The following MAP2 variants were observed in gnomAD, a reference collection of about 807,000 sequenced individuals.
The protein encoded by MAP2 is microtubule-associated protein 2.
A neutral mutation model predicts 137.6 loss-of-function variants in MAP2; 14 were observed. The ratio of observed to expected loss-of-function variants is 0.10; its 90% CI spans 0.07 to 0.16. The LOEUF is 0.16. MAP2 is among the 10% of genes least tolerant of loss of function. The pLI is 1.00. For missense variants in MAP2, 2,088 were observed against 2,191.5 expected (o/e 0.95, Z 0.94); for synonymous variants, 786 against 782.3 (o/e 1.00, Z -0.08).
intron 3 of MAP2, among the ~76,000 whole-genome samples, chr2:209,622,594 C>T (rs966121649): frequency 6.6e-6 from 1 of 152,048 alleles, no homozygotes; most frequent in African/African-American, 2.4e-5. Flanking sequence ...CATGTTGCAG[C>T]CACTTTATAT....
intron 3 of MAP2, among the ~76,000 whole-genome samples, chr2:209,586,138 G>T (rs1295003564): frequency 6.6e-6 from 1 of 152,030 alleles, no homozygotes; most frequent in African/African-American, 2.4e-5. Context: ...TAAGGAGTCC[G>T]GAACTCAAAG....
chr2:209,630,583 T>TA (rs1380970574), intron 4 of MAP2, among the ~76,000 whole-genome samples: 1 of 152,102 alleles, frequency 6.6e-6, no homozygotes, highest in Non-Finnish European at 1.5e-5. Context: ...CAAAAGCTAT[T>TA]AAAAATCTCA....
chr2:209,696,190 G>A lies in MAP2; in HGVS notation c.4020G>A (p.Gln1340=). 1 of 1,613,358 alleles carries A rather than the reference G, an allele frequency of 6.2e-7. No individual in the cohort carries two copies. Among genetic ancestry groups the A allele is most frequent in the Non-Finnish European group, 8.5e-7 (1 of 1,179,796 alleles). Residue 1340 remains glutamine (Q), a synonymous_variant, in exon 8 of 16, where the codon CAG becomes CAA. Transcript: ENST00000682079. ...EFEVEEAAEA[Q]AEPKDGSPEA... ...AAGTAGAAGAGGCAGCTGAAGCCCA[G>A]GCAGAACCCAAAGATGGTTCCCCAG...
chr2:209,646,389 T>A (rs2094425865), intron 4 of MAP2, among the ~76,000 whole-genome samples: 2 of 152,174 alleles, frequency 1.3e-5, no homozygotes, highest in South Asian at 4.1e-4. Context: ...AGTCCAAATT[T>A]TTTCTTAACA....
intron 1 of MAP2, among the ~76,000 whole-genome samples, chr2:209,456,486 A>T (rs1448513464): frequency 6.6e-6 from 1 of 152,216 alleles, no homozygotes; most frequent in African/African-American, 2.4e-5. Flanking sequence ...GTTAGATATG[A>T]GAAAGAATGG....
intron 3 of MAP2, among the ~76,000 whole-genome samples, chr2:209,598,582 A>C (rs1160016601): frequency 7.1e-6 from 1 of 140,960 alleles, no homozygotes; most frequent in African/African-American, 2.6e-5. Context: ...ATATCTCCCA[A>C]TGCTATCCCT....
intron 5 of MAP2, among the ~76,000 whole-genome samples, chr2:209,658,458 T>C (rs1350950884): frequency 6.6e-6 from 1 of 152,080 alleles, no homozygotes; most frequent in Non-Finnish European, 1.5e-5. Context: ...AGTAATAATT[T>C]TGCTGTTGCT....
chr2:209,705,382 A>G (rs905502682), intron 11 of MAP2, 198 bp from the exon 12 acceptor site: 1 of 366,560 alleles, frequency 2.7e-6, no homozygotes, highest in Admixed American at 4.6e-5. Flanking sequence ...AAAATAATGT[A>G]TTTTTACAAA....
chr2:209,680,883 C>T (rs1018972876), intron 7 of MAP2, 56 bp downstream of exon 7: 3 of 1,442,600 alleles, frequency 2.1e-6, no homozygotes, highest in African/African-American at 2.8e-5. Flanking sequence ...GAACAATAAA[C>T]TTCAATCAAT....
chr2:209,575,518 CAAAAAA>C (rs71043942), intron 2 of MAP2, among the ~76,000 whole-genome samples: 4 of 28,384 alleles, frequency 1.4e-4, no homozygotes, highest in African/African-American at 3.4e-4. Context: ...GACTCCATCT[CAAAAAA>C]AAAAAAAAAA....
intron 2 of MAP2, among the ~76,000 whole-genome samples, chr2:209,517,050 G>A (rs907224418): frequency 6.6e-6 from 1 of 151,860 alleles, no homozygotes; most frequent in African/African-American, 2.4e-5. Flanking sequence ...TTAAAATATT[G>A]TATGCTATTG....
At chr2:209,491,669 C>G (rs968556501) in intron 1 of MAP2, among the ~76,000 whole-genome samples, 8 of 152,192 alleles carry the variant, frequency 5.3e-5, no homozygotes, top group Non-Finnish European at 1.2e-4. Flanking sequence ...TAAAACACCT[C>G]TACACAAATA....
At chr2:209,598,555 G>A (rs1242399632) in intron 3 of MAP2, among the ~76,000 whole-genome samples, 6 of 147,088 alleles carry the variant, frequency 4.1e-5, no homozygotes, top group African/African-American at 5.0e-5. Context: ...CCACTAACTC[G>A]TCATCTAGCA....
chr2:209,547,443 T>C (rs958242429), intron 2 of MAP2, among the ~76,000 whole-genome samples: 1 of 152,106 alleles, frequency 6.6e-6, no homozygotes, highest in Non-Finnish European at 1.5e-5. Flanking sequence ...TCAGGGTAAA[T>C]GAGTGCCAAA....
At chr2:209,562,703 A>C (rs1320452203) in intron 2 of MAP2, among the ~76,000 whole-genome samples, 4 of 152,080 alleles carry the variant, frequency 2.6e-5, no homozygotes, top group Non-Finnish European at 5.9e-5. Context: ...TCAAAAAAAA[A>C]ACAAAAAGCG....
intron 10 of MAP2, among the ~76,000 whole-genome samples, chr2:209,697,887 C>A (rs1457220081): frequency 6.6e-6 from 1 of 152,128 alleles, no homozygotes. Flanking sequence ...CTCGCTCTGT[C>A]GCCCAGGCTG....
rs79851818 is a variant in MAP2, at chr2:209,725,285, G to A, written c.5074-424G>A. ...TCAGAACTTCTTGTTGTATCTTAAC[G>A]TTGGTCTTCTTGTAACTATGAGCAA... On this transcript the variant is annotated intron_variant, in intron 13 of 15. Coordinates refer to ENST00000682079, the MANE Select transcript of MAP2 (RefSeq NM_001375505.1). 5.9e-5 allele frequency among the ~76,000 whole-genome samples: 9 copies of A among 152,310 alleles called. No individual in the cohort carries two copies. The East Asian group carries it at 1.4e-3, about 23-fold the overall frequency.
At chr2:209,602,636 A>T (rs1397841556) in intron 3 of MAP2, among the ~76,000 whole-genome samples, 1 of 152,208 alleles carries the variant, frequency 6.6e-6, no homozygotes, top group Admixed American at 6.5e-5. Context: ...CTGTGAATCT[A>T]TTTTGATGAA....
chr2:209,427,217 A>G (rs1205319401), intron 1 of MAP2, among the ~76,000 whole-genome samples: 1 of 152,194 alleles, frequency 6.6e-6, no homozygotes, highest in Non-Finnish European at 1.5e-5. Flanking sequence ...AGAATCTGAA[A>G]TAATAGTTAC....
Sources: gnomAD v4.1 joint callset for allele counts (sites outside exome capture counted in the v4.1 genomes callset) on GRCh38, gnomAD v4.1.1 for gene constraint, MANE v1.5 for transcripts, NCBI Gene and HGNC (gene_info 2026-07-23, HGNC 2026-07-21) for gene names.